The following ABLIM1 variants were observed in gnomAD, a reference collection of about 807,000 sequenced individuals.
ABLIM1 encodes actin-binding LIM protein 1.
A neutral mutation model predicts 107.0 loss-of-function variants in ABLIM1; 40 were observed. The observed-to-expected ratio is 0.37, with a 90% CI of 0.29 to 0.49. The LOEUF is 0.49. Among genes scored for constraint, ABLIM1 ranks in the 20% least tolerant of loss-of-function variants. The probability of loss-of-function intolerance (pLI) is 0.97; values close to 1 mark genes in which losing one functional copy is unlikely to be tolerated. For synonymous variants in ABLIM1, 357 were observed against 357.3 expected (o/e 1.00, Z 0.01); for missense variants, 857 against 1,008.5 (o/e 0.85, Z 2.04).
intron 4 of ABLIM1, among the ~76,000 whole-genome samples, chr10:114,550,019 TTG>T (rs1320953128): frequency 2.6e-5 from 4 of 152,228 alleles, no homozygotes; most frequent in Admixed American, 2.6e-4. Context: ...ATCCTCTGTG[TTG>T]TTTGAATTTT....
upstream of ABLIM1, among the ~76,000 whole-genome samples, chr10:114,686,179 G>T (rs974898735): frequency 1.3e-5 from 2 of 152,132 alleles, no homozygotes; most frequent in African/African-American, 2.4e-5. Context: ...TTTGACTTGT[G>T]TTAGTTGAAC....
At position 114,765,360 on chromosome 10, in the gene ABLIM1, T is replaced by C. The variant is rs971136888; in HGVS notation, c.-213+2701A>G. Among the ~76,000 whole-genome samples, 7 of 119,332 alleles carry C rather than the reference T, an allele frequency of 5.9e-5. No individual in the cohort carries two copies. In the East Asian group the frequency reaches 8.1e-4, roughly 14 times the overall value. 78.3% of individuals were successfully genotyped at this position (119,332 alleles called of 152,430 possible). A position where few individuals can be genotyped will look rare whatever the true frequency, so the allele number is the denominator to read the frequency against. On this transcript the variant is annotated intron_variant, in intron 1 of 15. Transcript: ENST00000651092. ...CACTGCGCCCGGCCATTTTCAACTA[T>C]AAAAAAAAAAAATATTCTATTATTC...
chr10:114,704,300 C>CTATA lies in ABLIM1; in HGVS notation c.-213+63760_-213+63761insTATA, dbSNP rs1192514543. Among the ~76,000 whole-genome samples, 17 of 28,886 alleles carry CTATA rather than the reference C, an allele frequency of 5.9e-4. No homozygotes were observed. In the South Asian group the frequency reaches 6.0e-3, roughly 10 times the overall value. The allele number at this position is 28,886 out of a possible 152,430, so 19.0% of individuals were successfully genotyped here. A position where few individuals can be genotyped will look rare whatever the true frequency, so the allele number is the denominator to read the frequency against. ...TCTCTCTCTCTCTCTCTCTCTCTCT[C>CTATA]TCTATATATATATATATATATATAT... On this transcript the variant is annotated intron_variant, in intron 1 of 15. Coordinates refer to the ABLIM1 transcript ENST00000651092.
intron 1 of ABLIM1, among the ~76,000 whole-genome samples, chr10:114,760,404 TCACACACACACACACA>T (rs3981296): frequency 0.2 from 29,111 of 143,554 alleles, 3,296 homozygotes; most frequent in East Asian, 0.45. Flanking sequence ...AATTTCTCCT[TCACACACACACACACA>T]CACACACACA....
Position 114,556,577 on chromosome 10 carries a change from T to G in ABLIM1, c.674-8801A>C, listed in dbSNP as rs546375839. On this transcript the variant is annotated intron_variant, in intron 4 of 22. Coordinates refer to ENST00000533213, the MANE Select transcript of ABLIM1 (RefSeq NM_002313.7). ...ACCCAGACTTTCCTTATGTTATTTTTGTATAAGAGTTGGGCAGCAGTTTTG... is the reference window on the plus strand; with the variant it reads ...ACCCAGACTTTCCTTATGTTATTTTGGTATAAGAGTTGGGCAGCAGTTTTG... Among the ~76,000 whole-genome samples, 19 of 152,330 alleles carry G rather than the reference T, an allele frequency of 1.2e-4. No individual in the cohort carries two copies. The South Asian group carries it at 2.7e-3, about 22-fold the overall frequency.
At chr10:114,485,419 A>G in intron 8 of ABLIM1, 4 of 1,519,116 alleles carry the variant, frequency 2.6e-6, no homozygotes, top group Non-Finnish European at 2.7e-6. Context: ...ACGAACACAG[A>G]AATAGCCTCA....
the ABLIM1 span, among the ~76,000 whole-genome samples, chr10:114,780,866 A>G: frequency 6.6e-6 from 1 of 152,174 alleles, no homozygotes; most frequent in African/African-American, 2.4e-5. Flanking sequence ...TTAAAAGATC[A>G]TGGAGTTCAG....
At chr10:114,596,749 C>G (rs1171453187) in intron 2 of ABLIM1, among the ~76,000 whole-genome samples, 1 of 152,166 alleles carries the variant, frequency 6.6e-6, no homozygotes, top group Non-Finnish European at 1.5e-5. Context: ...TTGTTTAGCT[C>G]TTGTGTAAAA....
At chr10:114,631,851 G>C in intron 1 of ABLIM1, 6 of 1,300,408 alleles carry the variant, frequency 4.6e-6, no homozygotes, top group Non-Finnish European at 6.1e-6. Flanking sequence ...GAGCCCTGCG[G>C]TGCCATTCCA....
chr10:114,560,660 A>G (rs1211890024), intron 4 of ABLIM1, among the ~76,000 whole-genome samples: 1 of 152,186 alleles, frequency 6.6e-6, no homozygotes, highest in Non-Finnish European at 1.5e-5. Context: ...TGACAACATC[A>G]CCTCATGATG....
chr10:114,748,317 A>C (rs2082428082), intron 1 of ABLIM1, among the ~76,000 whole-genome samples: 1 of 152,234 alleles, frequency 6.6e-6, no homozygotes, highest in African/African-American at 2.4e-5. Flanking sequence ...ATTAGATACC[A>C]TCTGCGGTTG....
intron 6 of ABLIM1, among the ~76,000 whole-genome samples, chr10:114,501,241 T>C (rs1181342616): frequency 1.3e-5 from 2 of 152,090 alleles, no homozygotes; most frequent in Admixed American, 6.5e-5. Flanking sequence ...CTTAGAGAGA[T>C]CAGGAAATCA....
chr10:114,491,999 A>T lies in ABLIM1; in HGVS notation c.895-121T>A, dbSNP rs527285590. ...CTGAAAAAGGAAAAATAATTGTCTAATTGACCAAACTTCCTACACCAACAG... is the reference window on the plus strand; with the variant it reads ...CTGAAAAAGGAAAAATAATTGTCTATTTGACCAAACTTCCTACACCAACAG... On this transcript the variant is annotated intron_variant, in intron 6 of 22. Transcript: ENST00000533213. 4 of 803,418 alleles carry T rather than the reference A, an allele frequency of 5.0e-6. No individual in the cohort carries two copies. The East Asian group carries it at 8.4e-5, about 17-fold the overall frequency. The allele number at this position is 803,418 out of a possible 1,614,324, so 49.8% of individuals were successfully genotyped here.
intron 6 of ABLIM1, among the ~76,000 whole-genome samples, chr10:114,527,767 C>T (rs1000452009): frequency 6.7e-6 from 1 of 149,676 alleles, no homozygotes. Context: ...TGGGTCCAAG[C>T]GATTGTCCCA....
At chr10:114,781,527 T>C in the ABLIM1 span, among the ~76,000 whole-genome samples, 3 of 134,574 alleles carry the variant, frequency 2.2e-5, no homozygotes, top group East Asian at 6.4e-4. Flanking sequence ...AAAAGAAAAA[T>C]ATGTGTGTGT....
At chr10:114,511,688 G>A (rs988726329) in intron 6 of ABLIM1, among the ~76,000 whole-genome samples, 1 of 151,798 alleles carries the variant, frequency 6.6e-6, no homozygotes, top group Non-Finnish European at 1.5e-5. Context: ...TTCTAGAAAA[G>A]TCCCATTTCC....
intron 6 of ABLIM1, among the ~76,000 whole-genome samples, chr10:114,518,340 A>G (rs998772931): frequency 2.6e-5 from 4 of 152,096 alleles, no homozygotes; most frequent in African/African-American, 9.7e-5. Flanking sequence ...CTTATTGTAA[A>G]TAAATAACTG....
chr10:114,569,899 T>A (rs963933201), intron 4 of ABLIM1, among the ~76,000 whole-genome samples: 5 of 152,208 alleles, frequency 3.3e-5, no homozygotes, highest in African/African-American at 1.2e-4. Flanking sequence ...CTGAATAACA[T>A]GTGCTAATAT....
At chr10:114,730,723 A>G (rs896207335) in intron 1 of ABLIM1, among the ~76,000 whole-genome samples, 6 of 152,266 alleles carry the variant, frequency 3.9e-5, no homozygotes, top group Middle Eastern at 3.4e-3. Context: ...GGTTTTTGGT[A>G]TATTCAAGCA....
Sources: allele counts gnomAD v4.1 joint callset (sites outside exome capture counted in the v4.1 genomes callset), GRCh38; gene constraint gnomAD v4.1.1; transcripts MANE v1.5; gene names NCBI Gene and HGNC (gene_info 2026-07-23, HGNC 2026-07-21).